CDC42SE1: variants seen among roughly 807,000 people sequenced by gnomAD.
CDC42SE1 encodes the protein CDC42 small effector protein 1.
CDC42SE1 carries 10 observed loss-of-function variants against 10.9 expected under a neutral mutation model. The ratio of observed to expected loss-of-function variants is 0.92; its 90% CI spans 0.57 to 1.56. CDC42SE1 has a LOEUF of 1.56. Among genes scored for constraint, CDC42SE1 ranks in the 40% most tolerant of loss-of-function variants. The pLI, the probability that CDC42SE1 is intolerant of heterozygous loss-of-function variation, is 0.00. For synonymous variants in CDC42SE1, 24 were observed against 32.0 expected (o/e 0.75, Z 0.85); for missense variants, 81 against 100.8 (o/e 0.80, Z 0.84).
rs1269111629 is a variant in CDC42SE1, at chr1:151,052,710, G to A, written c.*634C>T. ...ATATTTTAAAAAAGGAAAGTTGCTG[G>A]GAAGCTGGTAAACAGAAACAGAAGA... On this transcript the variant is annotated 3_prime_UTR_variant, in exon 5 of 5. Transcript: ENST00000357235. The A allele has an allele frequency of 6.6e-6, 1 of 152,268 alleles. No homozygotes were observed. The highest frequency in any genetic ancestry group is 1.5e-5 in the Non-Finnish European group (1 of 68,034). The allele number at this position is 152,268 out of a possible 1,614,324, so 9.4% of individuals were successfully genotyped here.
chr1:151,058,781 G>A (rs1274307490), intron 1 of CDC42SE1: 2 of 152,404 alleles, frequency 1.3e-5, no homozygotes, highest in East Asian at 1.9e-4. Flanking sequence ...TAGTTCTCTG[G>A]TCCTGTTCGG....
chr1:151,058,971 A>G, intron 1 of CDC42SE1: 1 of 152,156 alleles, frequency 6.6e-6, no homozygotes, highest in Non-Finnish European at 1.5e-5. Context: ...CGAGACATGG[A>G]GGGCTGCTGA....
At position 151,057,065 on chromosome 1, in the gene CDC42SE1, GT is replaced by G. The variant is rs1359194533; in HGVS notation, c.-263-1073del. The stretch of plus-strand genomic sequence containing the variant: ...GCCAGCCAGGGTAGGACACATCTGG[GT>G]TTCTTCTTAGACTCACTTGCATTTC... On this transcript the variant is annotated intron_variant, in intron 1 of 4. Transcript: ENST00000357235. The surrounding 1 kb of genome is among the most constrained non-coding windows in gnomAD (Gnocchi z 4.0). 6.6e-6 allele frequency among the ~76,000 whole-genome samples: 1 copy of G among 152,160 alleles called. No individual in the cohort carries two copies. The highest frequency in any genetic ancestry group is 6.5e-5 in the Admixed American group (1 of 15,274).
chr1:151,054,326 A>T lies in CDC42SE1; in HGVS notation c.166-5T>A. 1 of 1,610,300 alleles carries T rather than the reference A, an allele frequency of 6.2e-7. No individual in the cohort carries two copies. The highest frequency in any genetic ancestry group is 1.7e-4 in the Middle Eastern group (1 of 6,048). On this transcript the variant is annotated splice_polypyrimidine_tract_variant and splice_region_variant and intron_variant, in intron 3 of 4. Transcript: ENST00000357235. ...CTGCTCCTGAACTGCACCTGTCTGTAAAAAAACAGATGCGAGACACCTTCG... is the reference window on the plus strand; with the variant it reads ...CTGCTCCTGAACTGCACCTGTCTGTTAAAAAACAGATGCGAGACACCTTCG...
Position 151,057,696 on chromosome 1 carries a change from AACACACACACACACACACACACACAC to A in CDC42SE1, c.-263-1729_-263-1704del, listed in dbSNP as rs57815937. ...GGACAAGACCCTGTCTCAAATACAA[AACACACACACACACACACACACACAC>A]ACACACACACACACACAGAGGTTTT... On this transcript the variant is annotated intron_variant, in intron 1 of 4. Coordinates refer to ENST00000357235, the MANE Select transcript of CDC42SE1 (RefSeq NM_020239.4). The surrounding 1 kb of genome is among the most constrained non-coding windows in gnomAD (Gnocchi z 4.0). 0.024 allele frequency: 3,325 copies of A among 138,490 alleles called. 66 individuals carry two copies. The highest frequency in any genetic ancestry group is 0.084 in the South Asian group (375 of 4,448). The allele number at this position is 138,490 out of a possible 1,614,324, so 8.6% of individuals were successfully genotyped here.
rs958702114 is a variant in CDC42SE1, at chr1:151,051,794, T to C, written c.*1550A>G. On this transcript the variant is annotated 3_prime_UTR_variant, in exon 5 of 5. Coordinates refer to ENST00000357235, the MANE Select transcript of CDC42SE1 (RefSeq NM_020239.4). ...AGGACTAGGGCACAGAAATAGAGCT[T>C]AAAATTTGGGGAGGATAAGGAGTGT... 2 of 152,540 alleles carry C rather than the reference T, an allele frequency of 1.3e-5. No homozygotes were observed. The highest frequency in any genetic ancestry group is 1.3e-4 in the Admixed American group (2 of 15,272). The allele number at this position is 152,540 out of a possible 1,614,324, so 9.4% of individuals were successfully genotyped here.
chr1:151,054,147 C>T (rs587773924), intron 4 of CDC42SE1, 84 bp downstream of exon 4: 13 of 899,288 alleles, frequency 1.4e-5, no homozygotes, highest in Non-Finnish European at 2.4e-5. Flanking sequence ...CCCTTTCTTG[C>T]ATAAGATCAG....
At chr1:151,059,144 C>T (rs1302319564) in intron 1 of CDC42SE1, 1 of 152,360 alleles carries the variant, frequency 6.6e-6, no homozygotes, top group African/African-American at 2.4e-5. Flanking sequence ...GATTCCGTAT[C>T]TGTCTCCCCC....
intron 1 of CDC42SE1, chr1:151,059,155 C>G (rs1400239464): frequency 1.3e-5 from 2 of 152,470 alleles, no homozygotes; most frequent in Middle Eastern, 3.4e-3. Flanking sequence ...TGTCTCCCCC[C>G]ACTACACAAC....
At chr1:151,053,575 G>A (rs760905180) in intron 4 of CDC42SE1, among the ~76,000 whole-genome samples, 22 of 151,212 alleles carry the variant, frequency 1.5e-4, no homozygotes, top group Non-Finnish European at 2.7e-4. Flanking sequence ...TCCACCTCCC[G>A]AGTTCAAGTG....
At position 151,055,662 on chromosome 1, in the gene CDC42SE1, G is replaced by A; in HGVS notation, c.54+15C>T. ...GACTGCTCTTTGGGTTAGGATGGGG[G>A]GTGGGGAGACTCACCGGCTGGGGTT... is the stretch of plus-strand genomic sequence containing the variant. On this transcript the variant is annotated intron_variant, in intron 2 of 4. Transcript: ENST00000357235. 1.2e-6 allele frequency: 2 copies of A among 1,606,912 alleles called. No homozygotes were observed. Among genetic ancestry groups the A allele is most frequent in the Non-Finnish European group, 1.7e-6 (2 of 1,174,042 alleles).
intron 3 of CDC42SE1, 138 bp from the exon 4 acceptor site, chr1:151,054,459 G>A: frequency 1.4e-6 from 1 of 708,708 alleles, no homozygotes; most frequent in Admixed American, 2.3e-5. Flanking sequence ...ATTCCTCCTA[G>A]GGGAGTCTCA....
intron 3 of CDC42SE1, among the ~76,000 whole-genome samples, 168 bp from the exon 4 acceptor site, chr1:151,054,489 C>A (rs1161727586): frequency 6.6e-6 from 1 of 152,206 alleles, no homozygotes; most frequent in East Asian, 1.9e-4. Context: ...TTCACACTGG[C>A]CTTCATGAGG....
intron 1 of CDC42SE1, among the ~76,000 whole-genome samples, chr1:151,056,474 C>G (rs1268084533): frequency 6.6e-6 from 1 of 152,178 alleles, no homozygotes; most frequent in African/African-American, 2.4e-5. Flanking sequence ...TCTTTAAGAA[C>G]AGGAGAGCCC....
chr1:151,053,416 T>G (rs904370153), intron 4 of CDC42SE1, 89 bp from the exon 5 acceptor site: 1 of 152,268 alleles, frequency 6.6e-6, no homozygotes, highest in Non-Finnish European at 1.5e-5. Context: ...GTGCAGACTT[T>G]AAGCTATTTC....
intron 2 of CDC42SE1, 137 bp downstream of exon 2, chr1:151,055,540 T>A: frequency 2.7e-6 from 2 of 737,596 alleles, no homozygotes; most frequent in Non-Finnish European, 2.4e-6. Context: ...TACAGCTGCC[T>A]GACCATAGAA....
chr1:151,054,761 G>A (rs1056521649), intron 3 of CDC42SE1, among the ~76,000 whole-genome samples: 2 of 152,040 alleles, frequency 1.3e-5, no homozygotes, highest in Non-Finnish European at 2.9e-5. Context: ...TTTGGAAAAA[G>A]CCCTCCAACT....
At chr1:151,053,670 CAG>C (rs1473913591) in intron 4 of CDC42SE1, among the ~76,000 whole-genome samples, 7 of 152,028 alleles carry the variant, frequency 4.6e-5, no homozygotes, top group Non-Finnish European at 7.4e-5. Context: ...TTAGTAGAGA[CAG>C]GGGTTCACCA....
At chr1:151,053,615 G>C (rs1201777583) in intron 4 of CDC42SE1, among the ~76,000 whole-genome samples, 1 of 152,062 alleles carries the variant, frequency 6.6e-6, no homozygotes, top group Non-Finnish European at 1.5e-5. Flanking sequence ...CTGAGTAACT[G>C]GGATTACAGG....
Sources: allele counts gnomAD v4.1 joint callset (sites outside exome capture counted in the v4.1 genomes callset), GRCh38; gene constraint gnomAD v4.1.1; non-coding constraint Gnocchi (gnomAD v3.1); transcripts MANE v1.5; gene names NCBI Gene and HGNC (gene_info 2026-07-23, HGNC 2026-07-21).